UGT8: variants seen among roughly 807,000 people sequenced by gnomAD.
UGT8 encodes the protein 2-hydroxyacylsphingosine 1-beta-galactosyltransferase.
A neutral mutation model predicts 40.5 loss-of-function variants in UGT8; 12 were observed. The ratio of observed to expected loss-of-function variants is 0.30; its 90% CI spans 0.19 to 0.48. UGT8 has a LOEUF of 0.48. Among genes scored for constraint, UGT8 ranks in the 20% least tolerant of loss-of-function variants. UGT8 has a pLI of 0.99. For missense variants in UGT8, 513 were observed against 648.7 expected (o/e 0.79, Z 2.27); for synonymous variants, 224 against 240.4 (o/e 0.93, Z 0.63).
intron 5 of UGT8, among the ~76,000 whole-genome samples, chr4:114,674,799 A>G (rs889018157): frequency 3.9e-5 from 6 of 152,204 alleles, no homozygotes; most frequent in African/African-American, 9.7e-5. Flanking sequence ...TATATCCTCC[A>G]TGATAGATTT....
At chr4:114,606,897 C>T (rs1051328609) in intron 1 of UGT8, among the ~76,000 whole-genome samples, 1 of 152,020 alleles carries the variant, frequency 6.6e-6, no homozygotes, top group African/African-American at 2.4e-5. Context: ...TTAAAACAAA[C>T]AAAAAACCCC....
rs1337886961 is a variant in UGT8 at position 114,665,775 on chromosome 4, G to A, written c.1042+19G>A. On this transcript the variant is annotated intron_variant, in intron 4 of 5. Transcript: ENST00000310836. ...CTGCTTGGTAAGTCAATGATGTGTG[G>A]TTACTTACTTGGCTGTTAGGTTTTA... 5.7e-6 allele frequency: 9 copies of A among 1,579,238 alleles called. No individual in the cohort carries two copies. The highest frequency in any genetic ancestry group is 6.9e-6 in the Non-Finnish European group (8 of 1,165,078).
chr4:114,631,444 G>C (rs183852960), intron 2 of UGT8, among the ~76,000 whole-genome samples: 40 of 152,348 alleles, frequency 2.6e-4, no homozygotes, highest in African/African-American at 7.5e-4. Flanking sequence ...CTGAGATCGT[G>C]CCACTGCACG....
chr4:114,626,930 C>G (rs1363558051), intron 2 of UGT8, among the ~76,000 whole-genome samples: 6 of 152,310 alleles, frequency 3.9e-5, no homozygotes, highest in African/African-American at 1.4e-4. Context: ...TAAACTAAAT[C>G]AGCCTAAGTT....
chr4:114,618,008 A>G (rs1414043005), intron 1 of UGT8, among the ~76,000 whole-genome samples: 1 of 152,172 alleles, frequency 6.6e-6, no homozygotes, highest in East Asian at 1.9e-4. Context: ...TATCAGTTTC[A>G]TCTTTACTTT....
intron 2 of UGT8, among the ~76,000 whole-genome samples, chr4:114,629,778 A>G (rs1732459695): frequency 6.6e-6 from 1 of 152,204 alleles, no homozygotes; most frequent in Non-Finnish European, 1.5e-5. Flanking sequence ...CTGATATGAT[A>G]GGAGATCCAA....
intron 2 of UGT8, among the ~76,000 whole-genome samples, chr4:114,663,138 A>C (rs937191579): frequency 4.6e-5 from 7 of 151,990 alleles, no homozygotes; most frequent in Non-Finnish European, 8.8e-5. Context: ...GATACTTCTT[A>C]TTGTGCAGTA....
At chr4:114,601,545 A>T (rs1730439949) in intron 1 of UGT8, among the ~76,000 whole-genome samples, 1 of 151,378 alleles carries the variant, frequency 6.6e-6, no homozygotes, top group Non-Finnish European at 1.5e-5. Context: ...ACATAAGCAC[A>T]TTTTCTCGGT....
Position 114,610,666 on chromosome 4 carries a change from A to G in UGT8, c.-3+11692A>G, listed in dbSNP as rs187719476. 1.2e-3 allele frequency among the ~76,000 whole-genome samples: 178 copies of G among 152,266 alleles called. 1 individual carries two copies. The highest frequency in any genetic ancestry group is 0.011 in the Admixed American group (165 of 15,290). On this transcript the variant is annotated intron_variant, in intron 1 of 5. Coordinates refer to ENST00000310836, the MANE Select transcript of UGT8 (RefSeq NM_001128174.3). Reference sequence around the variant, plus strand: ...TATCTAATACAACCTTGTCCTAGTGATGATGGTAGAATTTTATAAAATAGG... The same window carrying G: ...TATCTAATACAACCTTGTCCTAGTGGTGATGGTAGAATTTTATAAAATAGG...
chr4:114,650,671 G>A (rs1037498175), intron 2 of UGT8, among the ~76,000 whole-genome samples: 1 of 151,984 alleles, frequency 6.6e-6, no homozygotes, highest in Non-Finnish European at 1.5e-5. Flanking sequence ...TTGGTCATTG[G>A]TTTTTAATCT....
chr4:114,634,201 A>G (rs953934179), intron 2 of UGT8, among the ~76,000 whole-genome samples: 1 of 152,212 alleles, frequency 6.6e-6, no homozygotes, highest in Non-Finnish European at 1.5e-5. Context: ...TTGATGCGAA[A>G]GAGTAAGGGA....
intron 2 of UGT8, among the ~76,000 whole-genome samples, chr4:114,657,586 G>A (rs142334539): frequency 2.8e-4 from 43 of 152,142 alleles, no homozygotes; most frequent in African/African-American, 8.9e-4. Flanking sequence ...GAACATTTTT[G>A]GTACTACTTT....
Position 114,610,580 on chromosome 4 carries a change from A to G in UGT8, c.-3+11606A>G, listed in dbSNP as rs578018230. On this transcript the variant is annotated intron_variant, in intron 1 of 5. Coordinates refer to ENST00000310836, the MANE Select transcript of UGT8 (RefSeq NM_001128174.3). ...TTCATTCTGTTTTTCTGCAGAAACT[A>G]TCAAAATTTTTCCACTTCTGGGGAT... Among the ~76,000 whole-genome samples the G allele has an allele frequency of 5.9e-5, 9 of 152,306 alleles. No individual in the cohort carries two copies. The South Asian group carries it at 1.7e-3, about 28-fold the overall frequency.
intron 5 of UGT8, among the ~76,000 whole-genome samples, chr4:114,669,518 G>T (rs1578471522): frequency 6.6e-6 from 1 of 152,056 alleles, no homozygotes; most frequent in Admixed American, 6.6e-5. Flanking sequence ...GAATTATGGG[G>T]AAACAGTTGC....
chr4:114,657,953 C>T (rs1159915791), intron 2 of UGT8, among the ~76,000 whole-genome samples: 1 of 152,106 alleles, frequency 6.6e-6, no homozygotes, highest in Non-Finnish European at 1.5e-5. Context: ...AAGCAAGCCT[C>T]TTGCCAAACA....
intron 2 of UGT8, among the ~76,000 whole-genome samples, chr4:114,642,313 G>A (rs919658620): frequency 2.0e-5 from 3 of 151,660 alleles, no homozygotes; most frequent in African/African-American, 7.3e-5. Context: ...GTGTTGTTTT[G>A]CAGTTTAAAT....
At chr4:114,642,569 A>G (rs1733293722) in intron 2 of UGT8, among the ~76,000 whole-genome samples, 1 of 152,134 alleles carries the variant, frequency 6.6e-6, no homozygotes, top group African/African-American at 2.4e-5. Flanking sequence ...CACTTGAATG[A>G]GCAGCTGTAT....
At chr4:114,669,584 A>C (rs1735107725) in intron 5 of UGT8, among the ~76,000 whole-genome samples, 1 of 152,140 alleles carries the variant, frequency 6.6e-6, no homozygotes, top group African/African-American at 2.4e-5. Flanking sequence ...TAGGTTATTC[A>C]CAGGAAGTTA....
At chr4:114,609,586 G>A (rs1730923946) in intron 1 of UGT8, among the ~76,000 whole-genome samples, 1 of 152,064 alleles carries the variant, frequency 6.6e-6, no homozygotes, top group Admixed American at 6.6e-5. Context: ...GAATTCAGAG[G>A]AGGGATCCTA....
Sources: allele counts gnomAD v4.1 joint callset (sites outside exome capture counted in the v4.1 genomes callset), GRCh38; gene constraint gnomAD v4.1.1; transcripts MANE v1.5; gene names NCBI Gene and HGNC (gene_info 2026-07-23, HGNC 2026-07-21).